CTPS1: variants seen among roughly 807,000 people sequenced by gnomAD.
CTPS1 encodes the protein CTP synthetase 1.
CTPS1 carries 25 observed loss-of-function variants against 80.5 expected under a neutral mutation model. That is an observed-to-expected ratio of 0.31 (90% CI 0.23 to 0.43). The LOEUF (loss-of-function observed/expected upper bound fraction) is 0.43. CTPS1 is among the 20% of genes least tolerant of loss of function. The pLI, the probability that CTPS1 is intolerant of heterozygous loss-of-function variation, is 1.00. For synonymous variants in CTPS1, 267 were observed against 252.5 expected (o/e 1.06, Z -0.54); for missense variants, 442 against 725.7 (o/e 0.61, Z 4.49).
chr1:40,987,155 C>T (rs1235637050), intron 3 of CTPS1, among the ~76,000 whole-genome samples: 1 of 152,198 alleles, frequency 6.6e-6, no homozygotes, highest in African/African-American at 2.4e-5. Flanking sequence ...TGCTCTGTTG[C>T]AGGGCTTCCA....
At chr1:40,984,479 C>T (rs898197328) in intron 2 of CTPS1, among the ~76,000 whole-genome samples, 2 of 152,284 alleles carry the variant, frequency 1.3e-5, no homozygotes, top group East Asian at 1.9e-4. Context: ...AATTAGGAGA[C>T]GTTTCTGAAG....
intron 9 of CTPS1, among the ~76,000 whole-genome samples, chr1:41,000,408 AT>A (rs549386080): frequency 4.9e-3 from 655 of 134,330 alleles, no homozygotes; most frequent in Middle Eastern, 0.011. Flanking sequence ...ACACCCAGCT[AT>A]TTTTTTTTTT....
At chr1:41,006,268 T>C (rs1643031809) in intron 13 of CTPS1, among the ~76,000 whole-genome samples, 174 bp downstream of exon 13, 1 of 152,180 alleles carries the variant, frequency 6.6e-6, no homozygotes, top group South Asian at 2.1e-4. Context: ...TTTCATTATG[T>C]AATTCCTCCC....
At position 40,998,237 on chromosome 1, in the gene CTPS1, C is replaced by A. The variant is rs543568130; in HGVS notation, c.1005+711C>A. Among the ~76,000 whole-genome samples, 5 of 151,166 alleles carry A rather than the reference C, an allele frequency of 3.3e-5. No individual in the cohort carries two copies. In the South Asian group the frequency reaches 8.3e-4, roughly 25 times the overall value. On this transcript the variant is annotated intron_variant, in intron 9 of 18. Coordinates refer to ENST00000650070, the MANE Select transcript of CTPS1 (RefSeq NM_001905.4). ...CACGGTGAAACCCTGTCTCTACTTA[C>A]AATACAAAACATTAGCCAGGCATGG... is the stretch of plus-strand genomic sequence containing the variant.
intron 8 of CTPS1, among the ~76,000 whole-genome samples, chr1:40,996,357 G>A (rs1442635660): frequency 6.6e-6 from 1 of 152,140 alleles, no homozygotes; most frequent in Non-Finnish European, 1.5e-5. Flanking sequence ...GCAGATGGGC[G>A]TCCTGGTGGC....
At chr1:41,000,390 A>G (rs565459260) in intron 9 of CTPS1, among the ~76,000 whole-genome samples, 3 of 150,064 alleles carry the variant, frequency 2.0e-5, no homozygotes, top group Admixed American at 6.6e-5. Flanking sequence ...CTACAGGTGC[A>G]TGCCACCACA....
intron 5 of CTPS1, among the ~76,000 whole-genome samples, chr1:40,989,024 C>A (rs761344648): frequency 2.0e-4 from 30 of 152,198 alleles, no homozygotes; most frequent in Non-Finnish European, 4.0e-4. Context: ...TCAATAGTAA[C>A]AAAAATTGGG....
At chr1:40,990,072 T>G (rs1473654146) in intron 5 of CTPS1, among the ~76,000 whole-genome samples, 1 of 146,738 alleles carries the variant, frequency 6.8e-6, no homozygotes, top group Non-Finnish European at 1.5e-5. Flanking sequence ...CACATGAACC[T>G]ACCCCCCCGT....
chr1:41,006,978 G>A (rs1402193236), intron 13 of CTPS1, among the ~76,000 whole-genome samples: 3 of 152,182 alleles, frequency 2.0e-5, no homozygotes, highest in African/African-American at 7.2e-5. Flanking sequence ...GCCTGGGAAC[G>A]CTGGGCTGAG....
At chr1:41,001,203 T>G in intron 10 of CTPS1, 86 bp downstream of exon 10, 2 of 863,416 alleles carry the variant, frequency 2.3e-6, no homozygotes, top group Non-Finnish European at 3.6e-6. Context: ...GTGCCAGTAG[T>G]AGGTAATTGA....
chr1:40,996,266 G>T (rs1330570529), intron 8 of CTPS1, 198 bp downstream of exon 8: 9 of 622,584 alleles, frequency 1.4e-5, no homozygotes, highest in Middle Eastern at 4.5e-4. Context: ...GATCCTGATA[G>T]GGCCAGGCCA....
rs541348148 is a variant in CTPS1, at chr1:41,007,100, C to T, written c.1297-349C>T. On this transcript the variant is annotated intron_variant, in intron 13 of 18. Transcript: ENST00000650070. The surrounding 1 kb of genome is among the most constrained non-coding windows in gnomAD (Gnocchi z 4.4). ...TGAGCAGTCATCAGGCTAGCTGGGGCGATGACAGACATGTTATGACACATC... is the reference window on the plus strand; with the variant it reads ...TGAGCAGTCATCAGGCTAGCTGGGGTGATGACAGACATGTTATGACACATC... Among the ~76,000 whole-genome samples the T allele has an allele frequency of 7.2e-5, 11 of 152,178 alleles. No homozygotes were observed. The East Asian group carries it at 7.7e-4, about 11-fold the overall frequency.
intron 1 of CTPS1, among the ~76,000 whole-genome samples, chr1:40,981,518 C>T (rs1642290312): frequency 6.6e-6 from 1 of 152,076 alleles, no homozygotes; most frequent in Admixed American, 6.5e-5. Context: ...CTGGTTAGAA[C>T]ATATCTAAAA....
chr1:41,000,275 C>T (rs1642871257), intron 9 of CTPS1, among the ~76,000 whole-genome samples: 1 of 151,988 alleles, frequency 6.6e-6, no homozygotes, highest in Non-Finnish European at 1.5e-5. Context: ...TGGAGTCTCG[C>T]TCTGTCACCC....
At chr1:40,984,737 A>G in intron 2 of CTPS1, 84 bp from the exon 3 acceptor site, 3 of 1,078,188 alleles carry the variant, frequency 2.8e-6, no homozygotes, top group Non-Finnish European at 3.8e-6. Flanking sequence ...CACCTTGTTA[A>G]TGAGTGTTTT....
rs371598753 is a variant in CTPS1 at position 41,009,445 on chromosome 1, A to G, written c.1547A>G (p.Asp516Gly). 1.4e-5 allele frequency: 22 copies of G among 1,565,156 alleles called. No homozygotes were observed. The highest frequency in any genetic ancestry group is 1.7e-5 in the Non-Finnish European group (20 of 1,159,724). Residue 516 changes from aspartate (D) to glycine (G), a missense_variant and splice_region_variant, in exon 17 of 19, where the codon GAT becomes GGT. Physicochemically the swap from Asp to Gly is moderately conservative, Grantham distance 94. Coordinates refer to ENST00000650070, the MANE Select transcript of CTPS1 (RefSeq NM_001905.4). ...TGTTTCTTTTGAATCTCTATTTCAG[A>G]TCATCCCTTTTTTGTTGGGGTTCAG... The part of the protein sequence containing the change: ...GERMEIVELE[D>G]HPFFVGVQYH...
rs749862542 is a variant in CTPS1 at position 40,987,403 on chromosome 1, G to A, written c.369G>A (p.Glu123=). The A allele has an allele frequency of 1.2e-5, 19 of 1,614,008 alleles. No individual in the cohort carries two copies. In the East Asian group the frequency reaches 3.8e-4, roughly 32 times the overall value. ...VVPHITDAIQ[E]WVMRQALIPV... is the part of the protein sequence containing the mutation. ...CTCATATCACAGATGCAATCCAGGA[G>A]TGGGTGATGAGACAGGCGTTAATAC... Residue 123 remains glutamate (E), a synonymous_variant, in exon 4 of 19, where the codon GAG becomes GAA. Coordinates refer to ENST00000650070, the MANE Select transcript of CTPS1 (RefSeq NM_001905.4).
At chr1:40,986,741 A>G (rs564564603) in intron 3 of CTPS1, among the ~76,000 whole-genome samples, 3 of 152,194 alleles carry the variant, frequency 2.0e-5, no homozygotes, top group Non-Finnish European at 4.4e-5. Context: ...TTGACATGGC[A>G]GGCACTTTAC....
chr1:40,998,396 T>TA (rs56282224), intron 9 of CTPS1, among the ~76,000 whole-genome samples: 1,215 of 64,590 alleles, frequency 0.019, 35 homozygotes, highest in East Asian at 0.078. Context: ...AGACTCTGTC[T>TA]AAAAAAAAAA....
Sources: gnomAD v4.1 joint callset for allele counts (sites outside exome capture counted in the v4.1 genomes callset) on GRCh38, gnomAD v4.1.1 for gene constraint, Gnocchi (gnomAD v3.1) non-coding constraint, MANE v1.5 for transcripts, NCBI Gene and HGNC (gene_info 2026-07-23, HGNC 2026-07-21) for gene names.